SLC5A11: variants seen among roughly 807,000 people sequenced by gnomAD.
SLC5A11 encodes solute carrier family 5 member 11.
SLC5A11 carries 48 observed loss-of-function variants against 69.8 expected under a neutral mutation model. The observed-to-expected ratio is 0.69, with a 90% confidence interval of 0.55 to 0.87. SLC5A11 has a LOEUF of 0.87. Among genes scored for constraint, SLC5A11 ranks in the 40% least tolerant of loss-of-function variants. The pLI is 0.00. For synonymous variants in SLC5A11, 319 were observed against 342.4 expected (o/e 0.93, Z 0.75); for missense variants, 784 against 866.1 (o/e 0.91, Z 1.19).
At chr16:24,870,508 G>C (rs541768678) in intron 4 of SLC5A11, among the ~76,000 whole-genome samples, 11 of 150,784 alleles carry the variant, frequency 7.3e-5, no homozygotes, top group Non-Finnish European at 1.3e-4. Context: ...GGTTGGGCGC[G>C]ATGGCTCAGG....
At chr16:24,894,871 G>A (rs565989593) in intron 9 of SLC5A11, among the ~76,000 whole-genome samples, 33 of 152,254 alleles carry the variant, frequency 2.2e-4, no homozygotes, top group African/African-American at 6.0e-4. Flanking sequence ...TGTAATCCCC[G>A]CACTTTGGGA....
At chr16:24,888,676 G>A (rs988988844) in intron 8 of SLC5A11, among the ~76,000 whole-genome samples, 2 of 148,858 alleles carry the variant, frequency 1.3e-5, no homozygotes, top group Non-Finnish European at 3.0e-5. Flanking sequence ...TAGAGATGGG[G>A]TTTCACCATG....
chr16:24,846,406 C>G (rs2059014747), exon 1 of SLC5A11: 1 of 152,332 alleles, frequency 6.6e-6, no homozygotes, highest in Admixed American at 6.5e-5. Flanking sequence ...ACTGACAGCC[C>G]CCAGGGCAGG....
intron 9 of SLC5A11, among the ~76,000 whole-genome samples, chr16:24,895,049 C>G (rs942673255): frequency 6.6e-6 from 1 of 151,818 alleles, no homozygotes; most frequent in Non-Finnish European, 1.5e-5. Context: ...CACTTTAGCT[C>G]TGGAGTTCAA....
At chr16:24,878,815 C>T (rs2047856233) in intron 7 of SLC5A11, among the ~76,000 whole-genome samples, 1 of 152,130 alleles carries the variant, frequency 6.6e-6, no homozygotes, top group Non-Finnish European at 1.5e-5. Flanking sequence ...GGTGGATCAC[C>T]TGAGATCAGG....
Position 24,909,097 on chromosome 16 carries a change from G to T in SLC5A11, c.1650+1G>T. 1 of 1,614,000 alleles carries T rather than the reference G, an allele frequency of 6.2e-7. No individual in the cohort carries two copies. The highest frequency in any genetic ancestry group is 2.2e-5 in the East Asian group (1 of 44,880). ...CACAGAGCCACCCTCCAAGGAGATG[G>T]TACATTTGGGCTGATGGCTAGATCC... On this transcript the variant is annotated splice_donor_variant, in intron 14 of 15. Coordinates refer to ENST00000347898, the Ensembl canonical transcript of SLC5A11. LOFTEE classifies it high-confidence loss of function.
At chr16:24,849,660 G>A (rs749482298) in intron 1 of SLC5A11, among the ~76,000 whole-genome samples, 9 of 139,168 alleles carry the variant, frequency 6.5e-5, no homozygotes, top group Admixed American at 1.5e-4. Context: ...GGATGGACAG[G>A]TCTGGGCTCA....
chr16:24,860,260 C>T (rs1237281471), intron 2 of SLC5A11, among the ~76,000 whole-genome samples: 2 of 152,050 alleles, frequency 1.3e-5, no homozygotes, highest in African/African-American at 4.8e-5. Context: ...GCACTCCAGC[C>T]TGGGCGACAG....
At chr16:24,890,538 A>G (rs1459157450) in intron 8 of SLC5A11, among the ~76,000 whole-genome samples, 1 of 149,950 alleles carries the variant, frequency 6.7e-6, no homozygotes, top group Non-Finnish European at 1.5e-5. Context: ...GAAAGAAAGG[A>G]AGGAAGAAAG....
exon 2 of SLC5A11, chr16:24,858,690 T>A (rs1245394268): frequency 1.9e-6 from 3 of 1,611,758 alleles, no homozygotes; most frequent in Admixed American, 3.3e-5. Flanking sequence ...TTAGATCCCC[T>A]GGATGCGTTT....
chr16:24,848,818 A>G (rs1434138215), intron 1 of SLC5A11, among the ~76,000 whole-genome samples: 2 of 152,082 alleles, frequency 1.3e-5, no homozygotes, highest in African/African-American at 4.8e-5. Flanking sequence ...AAAATAATAA[A>G]ATAAAAAGGA....
intron 1 of SLC5A11, among the ~76,000 whole-genome samples, chr16:24,849,791 C>T (rs1241757037): frequency 6.6e-6 from 1 of 151,222 alleles, no homozygotes; most frequent in East Asian, 1.9e-4. Flanking sequence ...CCCTGTTACC[C>T]TGCTGTGGAC....
At chr16:24,908,095 C>T (rs763446229) in exon 13 of SLC5A11, 2 of 1,605,930 alleles carry the variant, frequency 1.2e-6, no homozygotes, top group South Asian at 2.2e-5. Context: ...CGGTGGTCTT[C>T]ATCATGGGAT....
At chr16:24,897,229 C>G (rs1253536126) in intron 9 of SLC5A11, among the ~76,000 whole-genome samples, 6 of 152,096 alleles carry the variant, frequency 3.9e-5, no homozygotes, top group Non-Finnish European at 7.4e-5. Flanking sequence ...GCTGGGATTA[C>G]AAGCGTGAGC....
At chr16:24,902,724 A>C (rs2049734331) in intron 10 of SLC5A11, among the ~76,000 whole-genome samples, 1 of 152,088 alleles carries the variant, frequency 6.6e-6, no homozygotes, top group Non-Finnish European at 1.5e-5. Flanking sequence ...TTTTTAGTAG[A>C]GATGGGGTTT....
intron 9 of SLC5A11, among the ~76,000 whole-genome samples, chr16:24,896,937 CCTTCCTTT>C (rs2049211491): frequency 6.9e-6 from 1 of 144,276 alleles, no homozygotes; most frequent in Non-Finnish European, 1.5e-5. Flanking sequence ...TAGACAACCT[CCTTCCTTT>C]TTTTTTTTTT....
chr16:24,877,302 C>T, exon 7 of SLC5A11: 21 of 1,614,074 alleles, frequency 1.3e-5, no homozygotes, highest in Non-Finnish European at 1.8e-5. Flanking sequence ...AGTCTTTGCA[C>T]CTGGATCTGT....
chr16:24,910,401 C>G lies in SLC5A11; in HGVS notation c.1746C>G (p.Asn582Lys), dbSNP rs758998102. The change falls in exon 15 of 16, where the codon AAC becomes AAG. Residue 582 changes from asparagine (N) to lysine (K), a missense_variant. Transcript: ENST00000347898. Reference sequence around the variant, plus strand: ...CCTTGTCTCTTACCCTCTCTCAGAACGGGATGCCAGAGGCCAGCAGCAGCA... The same window carrying G: ...CCTTGTCTCTTACCCTCTCTCAGAAGGGGATGCCAGAGGCCAGCAGCAGCA... 5 of 1,613,992 alleles carry G rather than the reference C, an allele frequency of 3.1e-6. No homozygotes were observed. The highest frequency in any genetic ancestry group is 3.4e-6 in the Non-Finnish European group (4 of 1,180,030).
At chr16:24,860,185 G>T (rs953493297) in intron 2 of SLC5A11, among the ~76,000 whole-genome samples, 38 of 152,312 alleles carry the variant, frequency 2.5e-4, no homozygotes, top group Admixed American at 6.5e-4. Context: ...TACTTGGGAG[G>T]CTGAGGCAGG....
Sources: allele counts gnomAD v4.1 joint callset (sites outside exome capture counted in the v4.1 genomes callset), GRCh38; gene constraint gnomAD v4.1.1; transcripts MANE v1.5; gene names NCBI Gene and HGNC (gene_info 2026-07-23, HGNC 2026-07-21).